CDKAL1: variants seen among roughly 807,000 people sequenced by gnomAD.
CDKAL1 encodes the protein threonylcarbamoyladenosine tRNA methylthiotransferase.
Under a neutral mutation model 68.2 loss-of-function variants are expected in CDKAL1, and 32 were observed. The observed-to-expected ratio is 0.47, with a 90% CI of 0.35 to 0.63. The LOEUF is 0.63. Among genes scored for constraint, CDKAL1 ranks in the 30% least tolerant of loss-of-function variants. CDKAL1 has a pLI of 0.00. For missense variants in CDKAL1, 606 were observed against 696.7 expected, an observed-to-expected ratio of 0.87 and a Z score of 1.47; for synonymous variants, 234 against 244.3, an observed-to-expected ratio of 0.96 and a Z score of 0.39.
At chr6:20,995,238 A>G (rs1261811670) in intron 10 of CDKAL1, among the ~76,000 whole-genome samples, 1 of 152,134 alleles carries the variant, frequency 6.6e-6, no homozygotes, top group Non-Finnish European at 1.5e-5. Flanking sequence ...GGTTGAAATC[A>G]ATGTCTTCCA....
intron 15 of CDKAL1, among the ~76,000 whole-genome samples, chr6:21,221,125 C>T (rs1779524775): frequency 6.6e-6 from 1 of 152,014 alleles, no homozygotes; most frequent in Admixed American, 6.5e-5. Flanking sequence ...CAAGATCACA[C>T]CACTGCACTC....
At chr6:21,214,606 T>G (rs1430877767) in intron 15 of CDKAL1, among the ~76,000 whole-genome samples, 7 of 152,054 alleles carry the variant, frequency 4.6e-5, no homozygotes. Context: ...AAGCACCAGC[T>G]TATCAGTGAG....
In CDKAL1 at chr6:21,157,506, A is replaced by G. The variant is rs183140592; in HGVS notation, c.1300-40515A>G. On this transcript the variant is annotated intron_variant, in intron 13 of 15. Coordinates refer to ENST00000274695, the MANE Select transcript of CDKAL1 (RefSeq NM_017774.3). The stretch of plus-strand genomic sequence containing the variant: ...TGATTACACAAACACAGTGTGTCTT[A>G]TAATTACAAAGCCATATGCTTGTGT... Among the ~76,000 whole-genome samples the G allele has an allele frequency of 3.6e-3, 555 of 152,358 alleles. 7 individuals carry two copies. The highest frequency in any genetic ancestry group is 3.4e-3 in the Non-Finnish European group (233 of 68,032).
chr6:21,070,037 G>T (rs183302231), intron 12 of CDKAL1, among the ~76,000 whole-genome samples: 2 of 151,762 alleles, frequency 1.3e-5, no homozygotes, highest in African/African-American at 4.8e-5. Context: ...TGATCCACCC[G>T]CCTCAGCCTC....
intron 5 of CDKAL1, among the ~76,000 whole-genome samples, chr6:20,697,225 A>C (rs1324505749): frequency 5.9e-5 from 9 of 152,212 alleles, no homozygotes; most frequent in Non-Finnish European, 1.2e-4. Context: ...CTTTATTGAG[A>C]TGAGCAAACC....
chr6:21,140,833 G>T (rs1775864333), intron 13 of CDKAL1, among the ~76,000 whole-genome samples: 1 of 152,180 alleles, frequency 6.6e-6, no homozygotes, highest in Admixed American at 6.5e-5. Context: ...GGAAGAAAAA[G>T]AGGTTTAATT....
At chr6:21,169,749 C>T (rs920280187) in intron 13 of CDKAL1, among the ~76,000 whole-genome samples, 1 of 152,158 alleles carries the variant, frequency 6.6e-6, no homozygotes, top group African/African-American at 2.4e-5. Context: ...GCTTAATCGA[C>T]TTACAATTCC....
At chr6:20,627,666 C>A (rs1248654858) in intron 4 of CDKAL1, among the ~76,000 whole-genome samples, 2 of 152,138 alleles carry the variant, frequency 1.3e-5, no homozygotes, top group Non-Finnish European at 2.9e-5. Context: ...AGTTATATAT[C>A]AATTTGAGAA....
chr6:21,116,346 C>T (rs1040514196), intron 13 of CDKAL1, among the ~76,000 whole-genome samples: 1 of 152,114 alleles, frequency 6.6e-6, no homozygotes, highest in Non-Finnish European at 1.5e-5. Context: ...TCTGAGTAGA[C>T]TTTTATTATG....
At chr6:20,870,724 A>G (rs975215069) in intron 9 of CDKAL1, among the ~76,000 whole-genome samples, 4 of 152,230 alleles carry the variant, frequency 2.6e-5, no homozygotes, top group African/African-American at 9.6e-5. Context: ...AGCCAGGTAT[A>G]TGACTTTGGG....
chr6:20,655,367 T>C (rs1768976450), intron 5 of CDKAL1, among the ~76,000 whole-genome samples: 1 of 151,996 alleles, frequency 6.6e-6, no homozygotes, highest in African/African-American at 2.4e-5. Context: ...TCATCTAAAG[T>C]GGAGGTGTTC....
intron 11 of CDKAL1, among the ~76,000 whole-genome samples, chr6:21,015,738 C>A (rs1320399599): frequency 6.6e-6 from 1 of 151,984 alleles, no homozygotes; most frequent in Non-Finnish European, 1.5e-5. Context: ...ACCAGCCTGG[C>A]CAACGTGACA....
At chr6:20,682,244 C>T (rs1316729562) in intron 5 of CDKAL1, among the ~76,000 whole-genome samples, 5 of 152,162 alleles carry the variant, frequency 3.3e-5, no homozygotes, top group Non-Finnish European at 5.9e-5. Flanking sequence ...TCTGATCTGC[C>T]GTTCCTTCTC....
chr6:21,074,943 TG>T (rs898791261), intron 12 of CDKAL1, among the ~76,000 whole-genome samples: 5 of 151,958 alleles, frequency 3.3e-5, no homozygotes, highest in South Asian at 2.1e-4. Flanking sequence ...AATGTAGTGG[TG>T]TTTTTTTTTT....
intron 10 of CDKAL1, among the ~76,000 whole-genome samples, chr6:20,977,959 T>C (rs561723328): frequency 2.0e-5 from 3 of 152,320 alleles, no homozygotes; most frequent in Admixed American, 2.0e-4. Context: ...ATTAATCTAA[T>C]TTATTAAATT....
chr6:20,775,128 A>G (rs115922810), intron 7 of CDKAL1, among the ~76,000 whole-genome samples: 2,095 of 152,244 alleles, frequency 0.014, 37 homozygotes, highest in African/African-American at 0.047. Context: ...TCTTTTTATT[A>G]AAGTTGCATA....
At position 21,111,382 on chromosome 6, in the gene CDKAL1, C is replaced by T. The variant is rs147698484; in HGVS notation, c.1299+2919C>T. ...TTATAGTGGGTCACTTAAATGACAG[C>T]TTTGCCTACTAGAAACTGTTAAAAC... On this transcript the variant is annotated intron_variant, in intron 13 of 15. Coordinates refer to ENST00000274695, the MANE Select transcript of CDKAL1 (RefSeq NM_017774.3). Among the ~76,000 whole-genome samples, 339 of 152,342 alleles carry T rather than the reference C, an allele frequency of 2.2e-3. 3 individuals carry two copies. The highest frequency in any genetic ancestry group is 7.8e-3 in the African/African-American group (325 of 41,582).
chr6:20,812,591 T>A (rs947322642), intron 8 of CDKAL1, among the ~76,000 whole-genome samples: 7 of 152,242 alleles, frequency 4.6e-5, no homozygotes, highest in Non-Finnish European at 8.8e-5. Context: ...CAGTATAGAT[T>A]AGCTTGCAGT....
intron 10 of CDKAL1, among the ~76,000 whole-genome samples, chr6:20,988,023 T>C (rs1250447665): frequency 6.6e-6 from 1 of 150,924 alleles, no homozygotes; most frequent in African/African-American, 2.4e-5. Flanking sequence ...ACATTCAAGC[T>C]ATCCTCCCAC....
Sources: gnomAD v4.1 joint callset for allele counts (sites outside exome capture counted in the v4.1 genomes callset) on GRCh38, gnomAD v4.1.1 for gene constraint, MANE v1.5 for transcripts, NCBI Gene and HGNC (gene_info 2026-07-23, HGNC 2026-07-21) for gene names.